RAB27A: variants seen among roughly 807,000 people sequenced by gnomAD.
The protein encoded by RAB27A is ras-related protein Rab-27A.
A neutral mutation model predicts 20.8 loss-of-function variants in RAB27A; 17 were observed. The observed-to-expected ratio is 0.82, with a 90% CI of 0.56 to 1.23. The LOEUF (loss-of-function observed/expected upper bound fraction) is 1.23, where lower values mean the gene tolerates loss of function less well. Among genes scored for constraint, RAB27A ranks in the 50% most tolerant of loss-of-function variants. RAB27A has a pLI of 0.00. For synonymous variants in RAB27A, 85 were observed against 92.8 expected (o/e 0.92, Z 0.48); for missense variants, 277 against 266.7 (o/e 1.04, Z -0.27).
At chr15:55,311,473 G>A (rs2055020373) in intron 2 of RAB27A, among the ~76,000 whole-genome samples, 1 of 152,102 alleles carries the variant, frequency 6.6e-6, no homozygotes, top group Non-Finnish European at 1.5e-5. Flanking sequence ...GGTTGAAGGG[G>A]GGTCCTTATT....
intron 2 of RAB27A, among the ~76,000 whole-genome samples, chr15:55,313,717 T>G (rs1002860988): frequency 2.0e-5 from 3 of 151,970 alleles, no homozygotes; most frequent in African/African-American, 7.3e-5. Flanking sequence ...CCACTAAAAA[T>G]ACAAAAATTA....
At chr15:55,286,088 G>A (rs1262388225) in intron 1 of RAB27A, among the ~76,000 whole-genome samples, 1 of 152,156 alleles carries the variant, frequency 6.6e-6, no homozygotes, top group African/African-American at 2.4e-5. Context: ...TGGAATAGTG[G>A]GAAAGAAATA....
chr15:55,212,529 A>T (rs1164609565), intron 6 of RAB27A, among the ~76,000 whole-genome samples: 1 of 135,622 alleles, frequency 7.4e-6, no homozygotes, highest in African/African-American at 3.3e-5. Context: ...AAGAGCAACA[A>T]ATCTTTTTTT....
intron 3 of RAB27A, among the ~76,000 whole-genome samples, chr15:55,233,220 G>T (rs1333917882): frequency 1.3e-5 from 2 of 152,086 alleles, no homozygotes; most frequent in African/African-American, 4.8e-5. Context: ...CATTCGTATA[G>T]CAATAATGGC....
chr15:55,205,436 T>G lies in RAB27A; in HGVS notation c.*71A>C. On this transcript the variant is annotated 3_prime_UTR_variant, in exon 7 of 7. Transcript: ENST00000336787. ...CACAATGCCCATTAATCTCTCACTGTGCCATGTATCAATCATAGAGAAGAT... is the reference window on the plus strand; with the variant it reads ...CACAATGCCCATTAATCTCTCACTGGGCCATGTATCAATCATAGAGAAGAT... 6.8e-7 allele frequency: 1 copy of G among 1,467,624 alleles called. No homozygotes were observed. The allele number at this position is 1,467,624 out of a possible 1,614,324, so 90.9% of individuals were successfully genotyped here.
At chr15:55,230,753 TTTCCTCAA>T (rs1896000083) in intron 3 of RAB27A, among the ~76,000 whole-genome samples, 1 of 152,200 alleles carries the variant, frequency 6.6e-6, no homozygotes, top group African/African-American at 2.4e-5. Flanking sequence ...TTAGTTTACC[TTTCCTCAA>T]AGTTCTCTTG....
intron 5 of RAB27A, among the ~76,000 whole-genome samples, chr15:55,226,972 T>C (rs943779916): frequency 3.3e-5 from 5 of 152,106 alleles, no homozygotes; most frequent in Non-Finnish European, 1.5e-5. Flanking sequence ...CAAATGTTTA[T>C]TCCTAATTAA....
chr15:55,317,947 G>A (rs2055065587), intron 1 of RAB27A: 1 of 380,360 alleles, frequency 2.6e-6, no homozygotes, highest in Non-Finnish European at 4.7e-6. Context: ...CTTTGCACTG[G>A]AGTGAACAAT....
chr15:55,250,250 C>CA (rs2141033466), intron 2 of RAB27A, among the ~76,000 whole-genome samples: 1 of 152,216 alleles, frequency 6.6e-6, no homozygotes, highest in South Asian at 2.1e-4. Context: ...AGACTTGAGC[C>CA]ACTGCGCCTG....
chr15:55,307,209 T>C lies in RAB27A; in HGVS notation c.-112+6830A>G, dbSNP rs145494702. 9.3e-3 allele frequency among the ~76,000 whole-genome samples: 1,410 copies of C among 151,970 alleles called. 16 individuals carry two copies. Among genetic ancestry groups the C allele is most frequent in the African/African-American group, 0.032 (1,325 of 41,422 alleles). ...TCTCGGGGACAGGCTCCTTGTAATG[T>C]TTTAAGAACTTGTTGATATTTGGCT... On this transcript the variant is annotated intron_variant, in intron 2 of 5. Coordinates refer to the RAB27A transcript ENST00000563262.
intron 2 of RAB27A, among the ~76,000 whole-genome samples, chr15:55,265,244 A>C (rs1379958001): frequency 6.7e-6 from 1 of 149,874 alleles, no homozygotes; most frequent in African/African-American, 2.4e-5. Flanking sequence ...TCTGTCTCAA[A>C]GAAAAAAAGA....
At chr15:55,303,644 G>A (rs1449500603) in intron 2 of RAB27A, among the ~76,000 whole-genome samples, 9 of 98,766 alleles carry the variant, frequency 9.1e-5, no homozygotes, top group Middle Eastern at 6.8e-3. Flanking sequence ...CAGCCGCCCC[G>A]TCCGGGAGGG....
upstream of RAB27A, among the ~76,000 whole-genome samples, chr15:55,293,011 C>T (rs2054931240): frequency 6.6e-6 from 1 of 152,108 alleles, no homozygotes; most frequent in African/African-American, 2.4e-5. Flanking sequence ...GAACACATCT[C>T]GTGTGTCAGT....
chr15:55,270,822 T>A (rs1897683540), intron 1 of RAB27A: 1 of 152,224 alleles, frequency 6.6e-6, no homozygotes, highest in South Asian at 2.1e-4. Flanking sequence ...CCCAGATATC[T>A]TGCTGGCATC....
chr15:55,297,138 C>T (rs987218312), intron 2 of RAB27A, among the ~76,000 whole-genome samples: 2 of 152,092 alleles, frequency 1.3e-5, no homozygotes, highest in Admixed American at 1.3e-4. Context: ...TTTATTGGTA[C>T]CAGAGGCTCA....
chr15:55,317,506 G>A lies in RAB27A; in HGVS notation c.-234+1425C>T, dbSNP rs4774762. The A allele has an allele frequency of 2.1e-3, 684 of 333,326 alleles. 12 individuals are homozygous for A. The Admixed American group carries it at 0.028, about 14-fold the overall frequency. 20.6% of individuals were successfully genotyped at this position (333,326 alleles called of 1,614,324 possible). On this transcript the variant is annotated intron_variant, in intron 1 of 5. Transcript: ENST00000563262. ...ATTTTTGTATTTTCAGTAGAGACAG[G>A]GTTTCACCATGTTGGTCAGGCTGGT...
At chr15:55,254,406 T>C (rs139180483) in intron 2 of RAB27A, among the ~76,000 whole-genome samples, 1 of 152,228 alleles carries the variant, frequency 6.6e-6, no homozygotes, top group East Asian at 1.9e-4. Context: ...TAAAACCACA[T>C]ATGAATGTCT....
intron 6 of RAB27A, among the ~76,000 whole-genome samples, chr15:55,212,738 A>C (rs6493771): frequency 0.31 from 47,258 of 151,890 alleles, 10,704 homozygotes; most frequent in African/African-American, 0.64. Context: ...ACCATGTTAG[A>C]CAGGATGGTC....
chr15:55,241,627 T>G (rs1420233994), intron 2 of RAB27A, among the ~76,000 whole-genome samples: 1 of 130,326 alleles, frequency 7.7e-6, no homozygotes, highest in East Asian at 2.0e-4. Flanking sequence ...TATATATATG[T>G]GTGTATATAT....
Sources: gnomAD v4.1 joint callset for allele counts (sites outside exome capture counted in the v4.1 genomes callset) on GRCh38, gnomAD v4.1.1 for gene constraint, MANE v1.5 for transcripts, NCBI Gene and HGNC (gene_info 2026-07-23, HGNC 2026-07-21) for gene names.